Variants in COP1 observed in about 807,000 individuals in gnomAD.
The protein encoded by COP1 is COP1 E3 ubiquitin ligase.
Under a neutral mutation model 101.3 loss-of-function variants are expected in COP1, and 24 were observed. The observed-to-expected ratio is 0.24, with a 90% CI of 0.17 to 0.33. COP1 has a LOEUF of 0.33. Ranked by LOEUF, COP1 falls within the 10% of genes least tolerant of loss-of-function variation. COP1 has a pLI of 1.00. For synonymous variants in COP1, 347 were observed against 341.9 expected (o/e 1.01, Z -0.17); for missense variants, 663 against 906.2 (o/e 0.73, Z 3.45).
At chr1:176,111,106 G>A (rs1263682000) in intron 9 of COP1, among the ~76,000 whole-genome samples, 1 of 151,938 alleles carries the variant, frequency 6.6e-6, no homozygotes, top group Non-Finnish European at 1.5e-5. Context: ...AAGCTGAGAT[G>A]GCGCCACTGC....
chr1:176,126,963 A>G (rs1037880828), intron 8 of COP1, among the ~76,000 whole-genome samples: 4 of 152,234 alleles, frequency 2.6e-5, no homozygotes, highest in African/African-American at 9.6e-5. Context: ...AAATTTAAAG[A>G]GAATAATCAA....
chr1:176,017,142 AT>A (rs902941902), intron 15 of COP1: 6 of 152,248 alleles, frequency 3.9e-5, no homozygotes, highest in African/African-American at 1.4e-4. Flanking sequence ...TTCAATGAAT[AT>A]TTCACTACCT....
chr1:176,103,804 T>C (rs1319406522), intron 9 of COP1, among the ~76,000 whole-genome samples: 1 of 152,134 alleles, frequency 6.6e-6, no homozygotes, highest in Non-Finnish European at 1.5e-5. Flanking sequence ...ATGAAAAATA[T>C]AGGCAAAACC....
At chr1:176,081,437 G>T in intron 10 of COP1, 150 bp from the exon 11 acceptor site, 1 of 546,566 alleles carries the variant, frequency 1.8e-6, no homozygotes. Flanking sequence ...CAATTTAATT[G>T]GTCAGTTTTT....
At chr1:176,120,815 A>T (rs997511381) in intron 8 of COP1, among the ~76,000 whole-genome samples, 20 of 152,338 alleles carry the variant, frequency 1.3e-4, no homozygotes, top group African/African-American at 4.8e-4. Context: ...TAATAGGCAT[A>T]TTGATTTTAG....
intron 1 of COP1, among the ~76,000 whole-genome samples, chr1:176,199,099 T>C (rs544376599): frequency 6.5e-4 from 99 of 152,212 alleles, no homozygotes; most frequent in African/African-American, 2.4e-3. Context: ...GTGGGGACCA[T>C]GAGGTCCAGG....
intron 15 of COP1, among the ~76,000 whole-genome samples, chr1:175,993,930 G>C (rs1263126389): frequency 1.3e-5 from 2 of 152,084 alleles, no homozygotes; most frequent in African/African-American, 4.8e-5. Flanking sequence ...GCAACTCCAA[G>C]ACACATAATT....
At chr1:176,156,613 T>C (rs1693491732) in intron 5 of COP1, among the ~76,000 whole-genome samples, 2 of 152,144 alleles carry the variant, frequency 1.3e-5, no homozygotes. Flanking sequence ...GACTATACCA[T>C]GGAAACATTA....
intron 14 of COP1, among the ~76,000 whole-genome samples, chr1:176,042,270 C>CAAAA (rs35822380): frequency 3.0e-4 from 26 of 88,008 alleles, no homozygotes; most frequent in African/African-American, 8.1e-4. Context: ...AACTCTATCT[C>CAAAA]AAAAAAAAAA....
chr1:176,185,862 C>T (rs1036474379), intron 1 of COP1, among the ~76,000 whole-genome samples: 13 of 152,116 alleles, frequency 8.5e-5, no homozygotes, highest in African/African-American at 1.4e-4. Flanking sequence ...CAAATCCTTA[C>T]GGATGATACA....
At chr1:176,114,499 T>C (rs916763820) in intron 9 of COP1, among the ~76,000 whole-genome samples, 1 of 151,812 alleles carries the variant, frequency 6.6e-6, no homozygotes, top group African/African-American at 2.4e-5. Context: ...TTTTTTCAAA[T>C]AAAGTGAATA....
intron 14 of COP1, among the ~76,000 whole-genome samples, chr1:176,028,865 C>G (rs1232181531): frequency 6.6e-6 from 1 of 151,320 alleles, no homozygotes; most frequent in East Asian, 1.9e-4. Context: ...TCAGGTGATT[C>G]TCCCCACTCA....
intron 3 of COP1, among the ~76,000 whole-genome samples, chr1:176,164,943 A>G (rs377726867): frequency 6.6e-6 from 1 of 152,344 alleles, no homozygotes; most frequent in East Asian, 1.9e-4. Flanking sequence ...GTATTAGCAC[A>G]GAGAGCATAA....
At chr1:176,087,808 A>G (rs1031194703) in intron 9 of COP1, among the ~76,000 whole-genome samples, 2 of 152,234 alleles carry the variant, frequency 1.3e-5, no homozygotes, top group Non-Finnish European at 2.9e-5. Context: ...ATGCACATGT[A>G]TGTTTATTGC....
chr1:176,114,689 G>A (rs1463329257), intron 9 of COP1, among the ~76,000 whole-genome samples: 2 of 151,894 alleles, frequency 1.3e-5, no homozygotes, highest in Non-Finnish European at 2.9e-5. Context: ...CTGGGTTCAA[G>A]GTATCCTCCC....
chr1:176,140,688 A>G (rs1690541173), intron 6 of COP1, among the ~76,000 whole-genome samples: 1 of 152,216 alleles, frequency 6.6e-6, no homozygotes, highest in Non-Finnish European at 1.5e-5. Context: ...AATGTTTTAA[A>G]GATATATGAA....
At chr1:175,950,888 AC>A (rs149173288) in intron 18 of COP1, among the ~76,000 whole-genome samples, 3,828 of 152,276 alleles carry the variant, frequency 0.025, 153 homozygotes, top group African/African-American at 0.087. Flanking sequence ...AGTGAAGAAA[AC>A]CTGCATCTAC....
chr1:175,980,836 T>C (rs977501913), intron 18 of COP1, among the ~76,000 whole-genome samples: 1 of 152,148 alleles, frequency 6.6e-6, no homozygotes, highest in African/African-American at 2.4e-5. Context: ...GGTTCAGAGC[T>C]GACAAAACAA....
intron 9 of COP1, among the ~76,000 whole-genome samples, chr1:176,091,147 A>G (rs879277225): frequency 1.3e-5 from 2 of 152,202 alleles, no homozygotes; most frequent in Non-Finnish European, 2.9e-5. Context: ...CCAAAAGGCT[A>G]TCTCACAACA....
Sources: gnomAD v4.1 joint callset for allele counts (sites outside exome capture counted in the v4.1 genomes callset) on GRCh38, gnomAD v4.1.1 for gene constraint, MANE v1.5 for transcripts, NCBI Gene and HGNC (gene_info 2026-07-23, HGNC 2026-07-21) for gene names.